Variants in KIFAP3 observed in about 807,000 individuals in gnomAD.
The protein encoded by KIFAP3 is kinesin associated protein 3.
Under a neutral mutation model 106.5 loss-of-function variants are expected in KIFAP3, and 68 were observed. The observed-to-expected ratio is 0.64, with a 90% CI of 0.53 to 0.78. The LOEUF is 0.78. Ranked by LOEUF, KIFAP3 falls within the 30% of genes least tolerant of loss-of-function variation. The pLI is 0.00. For missense variants in KIFAP3, 780 were observed against 941.8 expected (o/e 0.83, Z 2.25); for synonymous variants, 320 against 311.5 (o/e 1.03, Z -0.29).
upstream of KIFAP3, among the ~76,000 whole-genome samples, chr1:170,077,349 T>C (rs571974573): frequency 6.6e-6 from 1 of 152,336 alleles, no homozygotes; most frequent in East Asian, 1.9e-4. Flanking sequence ...TGGAGAAGTA[T>C]TGAGCTTAGT....
chr1:170,011,329 T>A (rs999967820), intron 10 of KIFAP3, among the ~76,000 whole-genome samples: 4 of 151,982 alleles, frequency 2.6e-5, no homozygotes, highest in Admixed American at 2.6e-4. Context: ...TAGTTCACTA[T>A]CTTTCATCAA....
chr1:170,042,874 G>A (rs147178385), intron 3 of KIFAP3, among the ~76,000 whole-genome samples: 14 of 152,270 alleles, frequency 9.2e-5, no homozygotes, highest in African/African-American at 2.9e-4. Context: ...CCACATCTGA[G>A]CTTTCTCTAG....
At chr1:169,921,931 T>TAATAGAGCC in intron 19 of KIFAP3, 150 bp from the exon 20 acceptor site, 1 of 589,310 alleles carries the variant, frequency 1.7e-6, no homozygotes, top group East Asian at 2.9e-5. Context: ...TTTTTAAGGT[T>TAATAGAGCC]AATAGAGCCA....
chr1:170,020,665 G>A (rs61825346), intron 9 of KIFAP3, among the ~76,000 whole-genome samples: 15,842 of 152,028 alleles, frequency 0.1, 979 homozygotes, highest in East Asian at 0.19. Context: ...AGTCACGATG[G>A]TCTCTATCTC....
chr1:169,985,281 G>A (rs1271414257), intron 11 of KIFAP3, among the ~76,000 whole-genome samples: 1 of 151,864 alleles, frequency 6.6e-6, no homozygotes, highest in Admixed American at 6.6e-5. Context: ...GAATAAAATT[G>A]CAAGAAAATA....
intron 19 of KIFAP3, among the ~76,000 whole-genome samples, chr1:169,925,197 C>G (rs1167349878): frequency 6.6e-6 from 1 of 152,068 alleles, no homozygotes; most frequent in Non-Finnish European, 1.5e-5. Context: ...TATAGGATTA[C>G]TTATTTAGTG....
chr1:170,056,643 T>C (rs977745226), intron 1 of KIFAP3, among the ~76,000 whole-genome samples: 3 of 152,176 alleles, frequency 2.0e-5, no homozygotes, highest in African/African-American at 4.8e-5. Flanking sequence ...TTTCTTTCAG[T>C]TGGAAATAAT....
intron 1 of KIFAP3, among the ~76,000 whole-genome samples, chr1:170,057,275 CCT>C (rs1408343175): frequency 1.3e-5 from 2 of 151,996 alleles, no homozygotes; most frequent in Admixed American, 6.6e-5. Flanking sequence ...TAATTCTTGT[CCT>C]CTGTTGTCTC....
At chr1:170,014,331 T>C (rs1378442443) in intron 10 of KIFAP3, among the ~76,000 whole-genome samples, 5 of 152,240 alleles carry the variant, frequency 3.3e-5, no homozygotes, top group Non-Finnish European at 5.9e-5. Flanking sequence ...TTTCTAAATG[T>C]TATCTTTCAC....
At chr1:170,040,821 G>A (rs190569209) in intron 3 of KIFAP3, among the ~76,000 whole-genome samples, 13 of 149,886 alleles carry the variant, frequency 8.7e-5, no homozygotes, top group African/African-American at 2.9e-4. Context: ...TGTTCAAAAT[G>A]TCTATTTTTG....
intron 10 of KIFAP3, among the ~76,000 whole-genome samples, chr1:169,997,069 G>T (rs1667403124): frequency 6.6e-6 from 1 of 152,196 alleles, no homozygotes. Flanking sequence ...AACATAGGTA[G>T]ACTGATAAAA....
chr1:170,037,813 G>A (rs1253299492), intron 5 of KIFAP3, among the ~76,000 whole-genome samples: 1 of 152,036 alleles, frequency 6.6e-6, no homozygotes, highest in Non-Finnish European at 1.5e-5. Flanking sequence ...CTATAGTGGT[G>A]TTATTGAGAA....
At chr1:170,074,289 C>G (rs911508061) in intron 1 of KIFAP3, 147 bp downstream of exon 1, 3 of 973,106 alleles carry the variant, frequency 3.1e-6, no homozygotes, top group Non-Finnish European at 4.6e-6. Context: ...TCCACTTCAC[C>G]TTTTCCCTCT....
At chr1:169,931,312 A>G (rs1465334252) in intron 19 of KIFAP3, among the ~76,000 whole-genome samples, 1 of 152,194 alleles carries the variant, frequency 6.6e-6, no homozygotes, top group Non-Finnish European at 1.5e-5. Context: ...GAGAAAAATG[A>G]CGTGCAAGAA....
intron 19 of KIFAP3, among the ~76,000 whole-genome samples, chr1:169,950,113 C>T (rs924951546): frequency 6.6e-6 from 1 of 152,086 alleles, no homozygotes; most frequent in Non-Finnish European, 1.5e-5. Flanking sequence ...TACATTCATC[C>T]TATTACTGAA....
At chr1:169,961,708 C>T (rs1665344439) in intron 17 of KIFAP3, among the ~76,000 whole-genome samples, 1 of 152,080 alleles carries the variant, frequency 6.6e-6, no homozygotes, top group Admixed American at 6.6e-5. Context: ...AATGTGAAGA[C>T]AATGATGATG....
upstream of KIFAP3, among the ~76,000 whole-genome samples, chr1:170,079,466 C>A (rs908467749): frequency 6.6e-6 from 1 of 152,078 alleles, no homozygotes; most frequent in Non-Finnish European, 1.5e-5. Context: ...GGTAAAAAAT[C>A]ATATGGTCAT....
chr1:170,018,266 A>G (rs1361088), intron 9 of KIFAP3, among the ~76,000 whole-genome samples: 43,009 of 152,002 alleles, frequency 0.28, 6,583 homozygotes, highest in East Asian at 0.49. Context: ...AGTAGTTGCA[A>G]GACAGATCAT....
intron 19 of KIFAP3, among the ~76,000 whole-genome samples, chr1:169,944,768 T>C (rs1013618350): frequency 3.3e-5 from 5 of 152,056 alleles, no homozygotes; most frequent in Non-Finnish European, 7.4e-5. Flanking sequence ...GGTAGCTCCT[T>C]ACAGCAAGCA....
Sources: gnomAD v4.1 joint callset for allele counts (sites outside exome capture counted in the v4.1 genomes callset) on GRCh38, gnomAD v4.1.1 for gene constraint, MANE v1.5 for transcripts, NCBI Gene and HGNC (gene_info 2026-07-23, HGNC 2026-07-21) for gene names.